The following KAZN variants were observed in gnomAD, a reference collection of about 807,000 sequenced individuals.
KAZN encodes the protein kazrin, periplakin interacting protein, also known as kazrin.
Under a neutral mutation model 87.4 loss-of-function variants are expected in KAZN, and 40 were observed. That is an observed-to-expected ratio of 0.46 (90% CI 0.36 to 0.60). The LOEUF is 0.60. KAZN is among the 20% of genes least tolerant of loss of function. The pLI is 0.00. For missense variants in KAZN, 898 were observed against 1,073.9 expected, an observed-to-expected ratio of 0.84 and a Z score of 2.29; for synonymous variants, 466 against 458.3, an observed-to-expected ratio of 1.02 and a Z score of -0.22.
chr1:15,035,431 G>A (rs927376186), intron 3 of KAZN, among the ~76,000 whole-genome samples: 1 of 152,230 alleles, frequency 6.6e-6, no homozygotes, highest in Non-Finnish European at 1.5e-5. Flanking sequence ...AGTGACATAT[G>A]CATTGGGCTC....
intron 1 of KAZN, among the ~76,000 whole-genome samples, chr1:14,943,847 G>A (rs748925700): frequency 3.9e-5 from 6 of 151,908 alleles, no homozygotes; most frequent in East Asian, 3.8e-4. Flanking sequence ...TGAGGCGGGC[G>A]GATCACCTGA....
intron 2 of KAZN, among the ~76,000 whole-genome samples, chr1:14,258,439 G>A (rs1650744230): frequency 7.1e-6 from 1 of 140,832 alleles, no homozygotes; most frequent in East Asian, 2.1e-4. Flanking sequence ...GTTTCACCGT[G>A]TTAGCCAGGA....
intron 1 of KAZN, among the ~76,000 whole-genome samples, chr1:14,037,742 T>C (rs1250257112): frequency 2.0e-5 from 3 of 152,208 alleles, no homozygotes; most frequent in African/African-American, 7.2e-5. Context: ...GGGGTTCAAT[T>C]AAGCCTCTGA....
At position 15,066,142 on chromosome 1, in the gene KAZN, TG is replaced by T. The variant is rs1350558369; in HGVS notation, c.1222+390del. The stretch of plus-strand genomic sequence containing the variant: ...TTTCTTTTTGTTTGGTTCGTCGGTT[TG>T]TTTTTGTTTTTGTTTTTTTCCCCCT... On this transcript the variant is annotated intron_variant, in intron 8 of 14. Coordinates refer to ENST00000376030, the MANE Select transcript of KAZN (RefSeq NM_201628.3). This position sits in a 1 kb window ranked among gnomAD's most constrained non-coding sequence, Gnocchi z 4.3. 9.6e-6 allele frequency: 10 copies of T among 1,041,918 alleles called. No homozygotes were observed. In the South Asian group the frequency reaches 4.1e-4, roughly 43 times the overall value. 64.5% of individuals were successfully genotyped at this position (1,041,918 alleles called of 1,614,324 possible).
intron 8 of KAZN, chr1:15,067,280 C>T (rs1398471036): frequency 1.0e-6 from 1 of 985,450 alleles, no homozygotes; most frequent in African/African-American, 1.7e-5. Flanking sequence ...TCCCAGGATC[C>T]CTTGGACTCC....
chr1:14,671,710 T>C (rs954970187), intron 1 of KAZN, among the ~76,000 whole-genome samples: 2 of 152,224 alleles, frequency 1.3e-5, no homozygotes, highest in African/African-American at 4.8e-5. Context: ...CTGTATATGA[T>C]AAAGAAAAGT....
intron 1 of KAZN, among the ~76,000 whole-genome samples, chr1:14,835,016 C>T (rs1383633613): frequency 6.6e-6 from 1 of 152,182 alleles, no homozygotes; most frequent in Non-Finnish European, 1.5e-5. Context: ...TTTCTGTGTT[C>T]AGTTAAAGCA....
At chr1:14,222,216 A>G (rs1647116994) in intron 2 of KAZN, 1 of 152,186 alleles carries the variant, frequency 6.6e-6, no homozygotes, top group African/African-American at 2.4e-5. Flanking sequence ...AAAGTTACCA[A>G]TTCCATTCTC....
At chr1:14,738,675 G>A (rs1160862586) in intron 1 of KAZN, among the ~76,000 whole-genome samples, 3 of 151,990 alleles carry the variant, frequency 2.0e-5, no homozygotes, top group African/African-American at 7.3e-5. Flanking sequence ...CTGAGGCCCC[G>A]GGAACTGTGT....
chr1:14,601,747 T>A (rs1450638905), intron 1 of KAZN, among the ~76,000 whole-genome samples: 1 of 152,224 alleles, frequency 6.6e-6, no homozygotes, highest in Non-Finnish European at 1.5e-5. Context: ...GTTGGTGCAG[T>A]TCAATGGGCC....
chr1:14,945,143 T>C (rs115995760), intron 1 of KAZN, among the ~76,000 whole-genome samples: 2,064 of 152,242 alleles, frequency 0.014, 58 homozygotes, highest in East Asian at 0.095. Flanking sequence ...ACCCCTGAGG[T>C]CTCTGGGAGG....
chr1:14,502,094 A>G (rs555870560), intron 2 of KAZN, among the ~76,000 whole-genome samples: 1 of 152,314 alleles, frequency 6.6e-6, no homozygotes, highest in East Asian at 1.9e-4. Flanking sequence ...GTAGACTTTA[A>G]AAAAGGTAAA....
At chr1:13,958,752 G>T (rs1641644200) in intron 1 of KAZN, among the ~76,000 whole-genome samples, 1 of 152,024 alleles carries the variant, frequency 6.6e-6, no homozygotes, top group South Asian at 2.1e-4. Flanking sequence ...ACATCTATGG[G>T]AGGCAGACCT....
intron 1 of KAZN, among the ~76,000 whole-genome samples, chr1:14,837,643 C>T (rs1234781013): frequency 3.3e-5 from 5 of 151,170 alleles, no homozygotes. Flanking sequence ...GCCTCAACCT[C>T]CTAGGCTCAA....
chr1:13,929,363 A>C (rs1382123165), intron 1 of KAZN, among the ~76,000 whole-genome samples: 1 of 152,174 alleles, frequency 6.6e-6, no homozygotes, highest in Non-Finnish European at 1.5e-5. Flanking sequence ...CATTCATTGG[A>C]GAGCGAGGTT....
chr1:14,612,715 G>A (rs1035432455), intron 1 of KAZN, among the ~76,000 whole-genome samples: 1 of 152,104 alleles, frequency 6.6e-6, no homozygotes, highest in Non-Finnish European at 1.5e-5. Context: ...GTGCATTTTA[G>A]GACATTTAGC....
chr1:14,797,791 T>A (rs1645875360), intron 1 of KAZN, among the ~76,000 whole-genome samples: 1 of 152,154 alleles, frequency 6.6e-6, no homozygotes, highest in Non-Finnish European at 1.5e-5. Flanking sequence ...TGCAAAATGG[T>A]CATCACAGCA....
chr1:14,068,126 C>G (rs1054809073), intron 1 of KAZN, among the ~76,000 whole-genome samples: 3 of 152,110 alleles, frequency 2.0e-5, no homozygotes, highest in Non-Finnish European at 4.4e-5. Context: ...ATGTTCCCCC[C>G]CCCAACAATT....
intron 2 of KAZN, among the ~76,000 whole-genome samples, chr1:14,375,558 C>T (rs1660835540): frequency 6.6e-6 from 1 of 152,174 alleles, no homozygotes; most frequent in African/African-American, 2.4e-5. Context: ...TTTTTCATCT[C>T]ATGCTCAGCA....
Sources: gnomAD v4.1 joint callset for allele counts (sites outside exome capture counted in the v4.1 genomes callset) on GRCh38, gnomAD v4.1.1 for gene constraint, Gnocchi (gnomAD v3.1) non-coding constraint, MANE v1.5 for transcripts, NCBI Gene and HGNC (gene_info 2026-07-23, HGNC 2026-07-21) for gene names.